The following ULK2 variants were observed in gnomAD, a reference collection of about 807,000 sequenced individuals.
ULK2 encodes unc-51 like autophagy activating kinase 2, also known as serine/threonine-protein kinase ULK2.
A neutral mutation model predicts 127.5 loss-of-function variants in ULK2; 76 were observed. That is an observed-to-expected ratio of 0.60 (90% CI 0.50 to 0.72). The LOEUF is 0.72. Ranked by LOEUF, ULK2 falls within the 30% of genes least tolerant of loss-of-function variation. ULK2 has a pLI of 0.00. For missense variants in ULK2, 1,144 were observed against 1,295.9 expected (o/e 0.88, Z 1.80); for synonymous variants, 452 against 461.9 (o/e 0.98, Z 0.28).
chr17:19,777,548 TA>T, intron 26 of ULK2, 32 bp downstream of exon 26: 1 of 1,576,934 alleles, frequency 6.3e-7, no homozygotes, highest in South Asian at 1.2e-5. Flanking sequence ...TAAAATGAAG[TA>T]AAAAAATACA....
intron 12 of ULK2, among the ~76,000 whole-genome samples, chr17:19,817,341 G>A (rs181164472): frequency 1.3e-5 from 2 of 152,104 alleles, no homozygotes; most frequent in Admixed American, 6.5e-5. Context: ...ACACACACAC[G>A]TTTTAAATAT....
intron 19 of ULK2, 96 bp downstream of exon 19, chr17:19,795,999 G>T: frequency 6.7e-7 from 1 of 1,487,364 alleles, no homozygotes; most frequent in Non-Finnish European, 9.0e-7. Flanking sequence ...TAAATCACCC[G>T]CTACACTAAT....
chr17:19,846,626 C>T (rs923048400), intron 6 of ULK2, 111 bp downstream of exon 6: 29 of 1,243,232 alleles, frequency 2.3e-5, no homozygotes, highest in Non-Finnish European at 2.8e-5. Context: ...AGCAACAGAG[C>T]GAGACTCCAT....
chr17:19,771,579 A>T lies in ULK2; in HGVS notation c.*4770T>A, dbSNP rs2086737121. On this transcript the variant is annotated 3_prime_UTR_variant, in exon 27 of 27. Coordinates refer to ENST00000395544, the MANE Select transcript of ULK2 (RefSeq NM_014683.4). Reference sequence around the variant, plus strand: ...GAGCCACAGAGTGATGACCACTACAACGGATACAGGATTGCTGAGCCCTTC... The same window carrying T: ...GAGCCACAGAGTGATGACCACTACATCGGATACAGGATTGCTGAGCCCTTC... The T allele has an allele frequency of 6.6e-6, 1 of 152,314 alleles. No homozygotes were observed. The highest frequency in any genetic ancestry group is 6.5e-5 in the Admixed American group (1 of 15,290). 9.4% of individuals were successfully genotyped at this position (152,314 alleles called of 1,614,324 possible).
At chr17:19,818,093 C>T (rs1472174169) in intron 12 of ULK2, among the ~76,000 whole-genome samples, 1 of 151,940 alleles carries the variant, frequency 6.6e-6, no homozygotes, top group East Asian at 1.9e-4. Flanking sequence ...GAGGCCGAGG[C>T]GGGCAGATCA....
intron 20 of ULK2, among the ~76,000 whole-genome samples, chr17:19,793,179 C>A (rs149234460): frequency 2.0e-4 from 30 of 152,150 alleles, no homozygotes; most frequent in Non-Finnish European, 4.4e-5. Flanking sequence ...CCAAGCAAAG[C>A]GGGGAAGAGC....
At chr17:19,867,286 G>A in intron 1 of ULK2, 42 bp downstream of exon 1, 2 of 1,489,600 alleles carry the variant, frequency 1.3e-6, no homozygotes, top group Non-Finnish European at 1.8e-6. Context: ...CTAGCCCCGT[G>A]CCTGCCGCCC....
At chr17:19,799,182 T>G (rs916873932) in intron 17 of ULK2, among the ~76,000 whole-genome samples, 5 of 151,740 alleles carry the variant, frequency 3.3e-5, no homozygotes, top group Non-Finnish European at 7.4e-5. Context: ...AAAAAAGTAT[T>G]ATTAATCAAT....
chr17:19,790,580 A>AG (rs1320979876), intron 20 of ULK2, among the ~76,000 whole-genome samples: 1 of 152,160 alleles, frequency 6.6e-6, no homozygotes, highest in Non-Finnish European at 1.5e-5. Context: ...AGAAAGAGGG[A>AG]GGGAAGAAGG....
At chr17:19,838,381 G>A in intron 10 of ULK2, 120 bp downstream of exon 10, 1 of 853,334 alleles carries the variant, frequency 1.2e-6, no homozygotes, top group South Asian at 1.6e-5. Flanking sequence ...ACCAGTGAAG[G>A]AAATAAACAA....
In ULK2 at chr17:19,774,650, G is replaced by A. The variant is rs1330778576; in HGVS notation, c.*1699C>T. ...ACAGTAGCCAAGATCTAAATCCTGG[G>A]GCAGGACAAAGGATATTCATGGCCA... On this transcript the variant is annotated 3_prime_UTR_variant, in exon 27 of 27. Coordinates refer to ENST00000395544, the MANE Select transcript of ULK2 (RefSeq NM_014683.4). The A allele has an allele frequency of 6.6e-6, 1 of 152,144 alleles. No homozygotes were observed. Among genetic ancestry groups the A allele is most frequent in the Non-Finnish European group, 1.5e-5 (1 of 68,034 alleles). The allele number at this position is 152,144 out of a possible 1,614,324, so 9.4% of individuals were successfully genotyped here.
intron 1 of ULK2, among the ~76,000 whole-genome samples, chr17:19,866,813 G>C (rs1348927502): frequency 6.6e-6 from 1 of 152,168 alleles, no homozygotes. Context: ...TGACTCCGGG[G>C]GGGAAAACGG....
chr17:19,800,733 G>A (rs1219533363), intron 16 of ULK2, among the ~76,000 whole-genome samples: 2 of 152,048 alleles, frequency 1.3e-5, no homozygotes, highest in Non-Finnish European at 2.9e-5. Context: ...ACTGAAGGTG[G>A]GGCCCTCTCC....
intron 12 of ULK2, among the ~76,000 whole-genome samples, chr17:19,817,621 T>A (rs1421817337): frequency 6.6e-6 from 1 of 152,228 alleles, no homozygotes; most frequent in Non-Finnish European, 1.5e-5. Context: ...TTGTCGTTTA[T>A]CTAGTGCAAG....
rs768901804 is a variant in ULK2 at position 19,846,725 on chromosome 17, A to G, written c.469+12T>C. On this transcript the variant is annotated intron_variant, in intron 6 of 26. Coordinates refer to ENST00000395544, the MANE Select transcript of ULK2 (RefSeq NM_014683.4). ...AAATGTCCTTTCCATGACACAATAC[A>G]TGGCCATTTACCTATTTTGATGCGA... is the stretch of plus-strand genomic sequence containing the variant. 6.3e-7 allele frequency: 1 copy of G among 1,589,498 alleles called. No homozygotes were observed. The highest frequency in any genetic ancestry group is 8.6e-7 in the Non-Finnish European group (1 of 1,167,574).
chr17:19,867,515 G>C lies in ULK2; in HGVS notation c.-98C>G, dbSNP rs2042381250. 1.1e-6 allele frequency: 1 copy of C among 877,852 alleles called. No homozygotes were observed. Among genetic ancestry groups the C allele is most frequent in the Non-Finnish European group, 1.5e-6 (1 of 645,242 alleles). The allele number at this position is 877,852 out of a possible 1,614,324, so 54.4% of individuals were successfully genotyped here. ...GCGGGCCCGGAGCGCGCCAGCGTGC[G>C]GCGGGTCTGGGGCAGCCGCAGCCCC... On this transcript the variant is annotated 5_prime_UTR_variant, in exon 1 of 27. Coordinates refer to ENST00000395544, the MANE Select transcript of ULK2 (RefSeq NM_014683.4).
chr17:19,830,886 G>A (rs2041422751), intron 10 of ULK2, among the ~76,000 whole-genome samples: 1 of 152,050 alleles, frequency 6.6e-6, no homozygotes, highest in African/African-American at 2.4e-5. Context: ...AATTAGCCAT[G>A]CGTGGTGGCA....
intron 3 of ULK2, among the ~76,000 whole-genome samples, chr17:19,858,385 G>A (rs2042175505): frequency 6.6e-6 from 1 of 151,874 alleles, no homozygotes; most frequent in Non-Finnish European, 1.5e-5. Flanking sequence ...GGGCAAGAGA[G>A]CCAGACCCTG....
intron 21 of ULK2, among the ~76,000 whole-genome samples, chr17:19,785,658 T>C (rs2087012623): frequency 6.6e-6 from 1 of 152,012 alleles, no homozygotes; most frequent in Admixed American, 6.6e-5. Context: ...GAAGAAGTCA[T>C]ATTTATACTA....
Sources: gnomAD v4.1 joint callset for allele counts (sites outside exome capture counted in the v4.1 genomes callset) on GRCh38, gnomAD v4.1.1 for gene constraint, MANE v1.5 for transcripts, NCBI Gene and HGNC (gene_info 2026-07-23, HGNC 2026-07-21) for gene names.